The following PON3 variants were observed in gnomAD, a reference collection of about 807,000 sequenced individuals.
The protein encoded by PON3 is paraoxonase 3, also known as serum paraoxonase/lactonase 3.
Under a neutral mutation model 36.3 loss-of-function variants are expected in PON3, and 37 were observed. That is an observed-to-expected ratio of 1.02 (90% confidence interval 0.78 to 1.34). The LOEUF (loss-of-function observed/expected upper bound fraction) is 1.34, where lower values mean the gene tolerates loss of function less well. Ranked by LOEUF, PON3 falls within the 40% of genes most tolerant of loss-of-function variation. PON3 has a pLI of 0.00. For synonymous variants in PON3, 155 were observed against 154.8 expected, an observed-to-expected ratio of 1.00 and a Z score of -0.01; for missense variants, 415 against 426.5, an observed-to-expected ratio of 0.97 and a Z score of 0.24.
At chr7:95,372,120 A>G in intron 4 of PON3, 53 bp downstream of exon 4, 1 of 1,556,254 alleles carries the variant, frequency 6.4e-7, no homozygotes, top group Non-Finnish European at 8.9e-7. Context: ...GCTGGAGATA[A>G]ATGGTTTCTA....
At chr7:95,367,591 T>A (rs1215836718) in intron 4 of PON3, 103 bp from the exon 5 acceptor site, 2 of 1,280,340 alleles carry the variant, frequency 1.6e-6, no homozygotes, top group Non-Finnish European at 2.2e-6. Flanking sequence ...TCTTCTTACA[T>A]CTTGCATTTT....
rs10953143 is a variant in PON3, at chr7:95,362,932, T to C, written c.696-91A>G. On this transcript the variant is annotated intron_variant, in intron 6 of 8. Transcript: ENST00000265627. Reference sequence around the variant, plus strand: ...GGAGAAGAGGTATAAAAATGCACACTCCTTGAAAGTACCACTGCAATCCTT... The same window carrying C: ...GGAGAAGAGGTATAAAAATGCACACCCCTTGAAAGTACCACTGCAATCCTT... 404,141 of 839,564 alleles carry C rather than the reference T, an allele frequency of 0.48. 102,852 individuals carry two copies. Among genetic ancestry groups the C allele is most frequent in the East Asian group, 0.77 (30,594 of 39,958 alleles). 52.0% of individuals were successfully genotyped at this position (839,564 alleles called of 1,614,324 possible).
chr7:95,373,621 T>C (rs539088871), intron 3 of PON3, among the ~76,000 whole-genome samples: 1 of 152,300 alleles, frequency 6.6e-6, no homozygotes, highest in African/African-American at 2.4e-5. Context: ...TCACATTCTG[T>C]GCGAACTCCC....
At chr7:95,364,241 G>A in intron 5 of PON3, 178 bp from the exon 6 acceptor site, 1 of 605,024 alleles carries the variant, frequency 1.7e-6, no homozygotes, top group Non-Finnish European at 2.9e-6. Flanking sequence ...GCCCTGATGG[G>A]TTTTCTTTAG....
chr7:95,365,053 C>T (rs1808661217), intron 5 of PON3: 1 of 152,180 alleles, frequency 6.6e-6, no homozygotes, highest in African/African-American at 2.4e-5. Flanking sequence ...TTTTGTATCT[C>T]AGCTTAAGCA....
At chr7:95,369,758 G>T (rs896469872) in intron 4 of PON3, among the ~76,000 whole-genome samples, 2 of 151,884 alleles carry the variant, frequency 1.3e-5, no homozygotes, top group Non-Finnish European at 2.9e-5. Context: ...CTTGGGAGAC[G>T]AGCAAAACTT....
chr7:95,372,169 T>C lies in PON3; in HGVS notation c.367+4A>G. The C allele has an allele frequency of 6.2e-7, 1 of 1,612,802 alleles. No individual in the cohort carries two copies. The highest frequency in any genetic ancestry group is 8.5e-7 in the Non-Finnish European group (1 of 1,178,868). On this transcript the variant is annotated splice_donor_region_variant and intron_variant, in intron 4 of 8. Transcript: ENST00000265627. ...CCCCTTATCCCTAAACATACAGGTT[T>C]TACCTTTGTCGATGAAAATACTGAT...
In PON3 at chr7:95,390,025, T is replaced by C. The variant is rs1007862213; in HGVS notation, c.201+129A>G. The stretch of plus-strand genomic sequence containing the variant: ...CTCCAAAATTCTGTTTTGGCTTTTT[T>C]AGTTGACTGGTTTACCCGGAGGTGG... On this transcript the variant is annotated intron_variant, in intron 3 of 8. Coordinates refer to ENST00000265627, the MANE Select transcript of PON3 (RefSeq NM_000940.3). 90 of 1,023,084 alleles carry C rather than the reference T, an allele frequency of 8.8e-5. 2 individuals are homozygous for C. The Admixed American group carries it at 1.3e-3, about 15-fold the overall frequency. The allele number at this position is 1,023,084 out of a possible 1,614,324, so 63.4% of individuals were successfully genotyped here. A position where few individuals can be genotyped will look rare whatever the true frequency, so the allele number is the denominator to read the frequency against.
chr7:95,395,882 C>A, intron 1 of PON3: 1 of 315,288 alleles, frequency 3.2e-6, no homozygotes, highest in African/African-American at 2.2e-5. Flanking sequence ...CTCAGTCAGC[C>A]GTAAACATCC....
chr7:95,383,984 T>C (rs1238840739), intron 3 of PON3, among the ~76,000 whole-genome samples: 3 of 152,152 alleles, frequency 2.0e-5, no homozygotes, highest in African/African-American at 2.4e-5. Flanking sequence ...CAAAACAGCA[T>C]GGTACTGGTA....
At chr7:95,385,385 T>G (rs1268263161) in intron 3 of PON3, among the ~76,000 whole-genome samples, 1 of 152,060 alleles carries the variant, frequency 6.6e-6, no homozygotes, top group East Asian at 1.9e-4. Context: ...TATATATACA[T>G]GCATCCAATA....
At chr7:95,384,853 G>T (rs1809151506) in intron 3 of PON3, among the ~76,000 whole-genome samples, 1 of 152,144 alleles carries the variant, frequency 6.6e-6, no homozygotes, top group Non-Finnish European at 1.5e-5. Context: ...CCATTACTGG[G>T]TATATACCCA....
intron 5 of PON3, among the ~76,000 whole-genome samples, chr7:95,366,208 G>A (rs1808689054): frequency 6.6e-6 from 1 of 152,144 alleles, no homozygotes; most frequent in Admixed American, 6.6e-5. Context: ...GAGATCCTAT[G>A]CTAAAGCAGT....
chr7:95,386,052 G>A (rs1809182521), intron 3 of PON3, among the ~76,000 whole-genome samples: 2 of 151,758 alleles, frequency 1.3e-5, no homozygotes, highest in African/African-American at 4.8e-5. Context: ...ATGCTATCTG[G>A]TTATTCACGA....
chr7:95,385,795 A>G (rs1266109244), intron 3 of PON3, among the ~76,000 whole-genome samples: 1 of 151,064 alleles, frequency 6.6e-6, no homozygotes, highest in African/African-American at 2.5e-5. Context: ...TGGAAACTGA[A>G]CAACCTGTTC....
intron 8 of PON3, among the ~76,000 whole-genome samples, chr7:95,361,737 T>A (rs1563612225): frequency 6.6e-6 from 1 of 152,292 alleles, no homozygotes; most frequent in Non-Finnish European, 1.5e-5. Flanking sequence ...TGCCTAGAAT[T>A]TATAGCTATA....
chr7:95,386,372 G>A (rs910238511), intron 3 of PON3, among the ~76,000 whole-genome samples: 1 of 152,136 alleles, frequency 6.6e-6, no homozygotes, highest in Non-Finnish European at 1.5e-5. Context: ...AAATAAACTA[G>A]AAAATCTAGA....
chr7:95,376,788 G>A (rs1480510702), intron 3 of PON3, among the ~76,000 whole-genome samples: 3 of 152,164 alleles, frequency 2.0e-5, no homozygotes, highest in Non-Finnish European at 2.9e-5. Context: ...TTCCAAGATG[G>A]CGGAATAGGA....
chr7:95,360,641 T>C lies in PON3; in HGVS notation c.907-510A>G, dbSNP rs1035337656. Among the ~76,000 whole-genome samples the C allele has an allele frequency of 6.6e-5, 10 of 152,294 alleles. 2 individuals are homozygous for C. The South Asian group carries it at 1.7e-3, about 25-fold the overall frequency. On this transcript the variant is annotated intron_variant, in intron 8 of 8. Coordinates refer to ENST00000265627, the MANE Select transcript of PON3 (RefSeq NM_000940.3). ...CTACTTTGGAATTTCATTTGACACA[T>C]CACTGCCTAGTACTGTTATTGATCC...
Sources: allele counts gnomAD v4.1 joint callset (sites outside exome capture counted in the v4.1 genomes callset), GRCh38; gene constraint gnomAD v4.1.1; transcripts MANE v1.5; gene names NCBI Gene and HGNC (gene_info 2026-07-23, HGNC 2026-07-21).